DICER1: variants seen among roughly 807,000 people sequenced by gnomAD.
DICER1 encodes endoribonuclease Dicer.
A neutral mutation model predicts 194.1 loss-of-function variants in DICER1; 43 were observed. The ratio of observed to expected loss-of-function variants is 0.22; its 90% CI spans 0.17 to 0.29. The LOEUF (loss-of-function observed/expected upper bound fraction) is 0.29. Ranked by LOEUF, DICER1 falls within the 10% of genes least tolerant of loss-of-function variation. DICER1 has a pLI of 1.00. For synonymous variants in DICER1, 832 were observed against 820.5 expected, an observed-to-expected ratio of 1.01 and a Z score of -0.24; for missense variants, 1,608 against 2,317.0, an observed-to-expected ratio of 0.69 and a Z score of 6.28.
chr14:95,152,655 T>A (rs1224398660), intron 1 of DICER1, among the ~76,000 whole-genome samples: 1 of 152,356 alleles, frequency 6.6e-6, no homozygotes, highest in Non-Finnish European at 1.5e-5. Context: ...CCTCAGAGAA[T>A]GTTTTGTAGC....
chr14:95,124,000 C>G (rs1893161444), intron 8 of DICER1, among the ~76,000 whole-genome samples, 196 bp downstream of exon 8: 2 of 152,096 alleles, frequency 1.3e-5, no homozygotes, highest in African/African-American at 2.4e-5. Context: ...AAAATATCAG[C>G]CATATGAAAA....
chr14:95,136,531 G>A (rs1200393323), intron 1 of DICER1: 1 of 152,134 alleles, frequency 6.6e-6, no homozygotes, highest in Non-Finnish European at 1.5e-5. Flanking sequence ...TTTTTGTAGA[G>A]ACAGGGTCTC....
intron 1 of DICER1, chr14:95,138,088 T>G (rs987363427): frequency 1.3e-5 from 2 of 154,260 alleles, no homozygotes; most frequent in African/African-American, 2.4e-5. Context: ...CCAACCTCAC[T>G]CAAGTATGTG....
At chr14:95,145,254 GAA>G (rs1420104140) in intron 1 of DICER1, among the ~76,000 whole-genome samples, 1 of 152,140 alleles carries the variant, frequency 6.6e-6, no homozygotes, top group Non-Finnish European at 1.5e-5. Flanking sequence ...GTGGGTGGAG[GAA>G]AAGTTTTCCT....
At chr14:95,108,790 T>C (rs1891692542) in intron 14 of DICER1, among the ~76,000 whole-genome samples, 1 of 152,208 alleles carries the variant, frequency 6.6e-6, no homozygotes, top group Non-Finnish European at 1.5e-5. Context: ...CTGTAGGGCC[T>C]TTTTAAAAAT....
chr14:95,113,678 C>CG (rs1892183046), intron 11 of DICER1, among the ~76,000 whole-genome samples: 4 of 152,162 alleles, frequency 2.6e-5, no homozygotes, highest in Non-Finnish European at 4.4e-5. Flanking sequence ...CAGCAGAGGG[C>CG]GGGACAGCCC....
At chr14:95,118,799 T>TA (rs1892707446) in intron 8 of DICER1, among the ~76,000 whole-genome samples, 2 of 147,994 alleles carry the variant, frequency 1.4e-5, no homozygotes, top group African/African-American at 5.3e-5. Context: ...AATCATTCTT[T>TA]TAAAAAAAAA....
In DICER1 at chr14:95,124,492, T is replaced by C. The variant is rs886050943; in HGVS notation, c.1080A>G (p.Glu360=). 8 of 1,614,178 alleles carry C rather than the reference T, an allele frequency of 5.0e-6. No homozygotes were observed. Among genetic ancestry groups the C allele is most frequent in the Non-Finnish European group, 6.8e-6 (8 of 1,180,042 alleles). Residue 360 remains glutamate (E), a synonymous_variant, in exon 8 of 27, where the codon GAA becomes GAG. Coordinates refer to ENST00000343455, the MANE Select transcript of DICER1 (RefSeq NM_177438.3). This position sits in a 1 kb window ranked among gnomAD's most constrained non-coding sequence, Gnocchi z 4.5. ...CAAGTGAGGCAGGTGAGAAGTGCTC[T>C]TCACATAGTGCATGTATTTTCCTTA... ...TFLRKIHALC[E]EHFSPASLDL...
intron 3 of DICER1, 108 bp from the exon 4 acceptor site, chr14:95,131,747 C>T (rs151234345): frequency 3.4e-4 from 360 of 1,055,944 alleles, no homozygotes; most frequent in African/African-American, 3.4e-3. Flanking sequence ...TTATATTAGA[C>T]CTAACCAACA....
intron 24 of DICER1, 144 bp downstream of exon 24, chr14:95,093,744 C>T (rs141577658): frequency 4.9e-4 from 437 of 887,160 alleles, no homozygotes; most frequent in Non-Finnish European, 6.8e-4. Flanking sequence ...GCAGTTCACT[C>T]GTGCTCCCAC....
In DICER1 at chr14:95,103,548, A is replaced by G. The variant is rs754352488; in HGVS notation, c.3848T>C (p.Ile1283Thr). The G allele has an allele frequency of 5.0e-6, 8 of 1,614,174 alleles. No individual in the cohort carries two copies. The highest frequency in any genetic ancestry group is 1.7e-5 in the Admixed American group (1 of 60,028). Residue 1283 changes from isoleucine (I) to threonine (T), a missense_variant, in exon 21 of 27, where the codon ATT (isoleucine) becomes ACT (threonine). By Grantham distance (89) the Ile-to-Thr change is moderately conservative. Coordinates refer to ENST00000343455, the MANE Select transcript of DICER1 (RefSeq NM_177438.3). ...GCCAAGAGTCCTTGAGGAGTACCCA[A>G]TAGAAGGGCTCTGCTCAGAATCCAT... The part of the protein sequence containing the change: ...GRMDSEQSPS[I>T]GYSSRTLGPN...
At chr14:95,122,134 T>C (rs1892983887) in intron 8 of DICER1, among the ~76,000 whole-genome samples, 1 of 152,190 alleles carries the variant, frequency 6.6e-6, no homozygotes, top group Non-Finnish European at 1.5e-5. Context: ...CATACAGCAC[T>C]AAATTCCAGT....
Position 95,115,747 on chromosome 14 carries a change from G to A in DICER1, c.1827C>T (p.Asp609=), listed in dbSNP as rs150087634. 3.2e-5 allele frequency: 52 copies of A among 1,614,062 alleles called. No homozygotes were observed. The highest frequency in any genetic ancestry group is 3.3e-4 in the Middle Eastern group (2 of 6,062). ...GCCTCAACACATATGGTGGGAAAAC[G>A]TCATCATCATCCATGACAGGATCAA... is the stretch of plus-strand genomic sequence containing the variant. ...TDIDPVMDDD[D]VFPPYVLRPD... Residue 609 remains aspartate, a synonymous_variant, in exon 11 of 27, where the codon GAC becomes GAT. Coordinates refer to ENST00000343455, the MANE Select transcript of DICER1 (RefSeq NM_177438.3).
intron 1 of DICER1, 44 bp from the exon 2 acceptor site, chr14:95,133,547 T>G (rs1003941886): frequency 2.7e-5 from 38 of 1,391,976 alleles, no homozygotes; most frequent in Non-Finnish European, 3.2e-5. Context: ...CATGCAGGGT[T>G]AAAAACAAAG....
chr14:95,095,494 G>A (rs966206715), intron 23 of DICER1: 3 of 350,178 alleles, frequency 8.6e-6, no homozygotes, highest in African/African-American at 4.2e-5. Context: ...AAGCAGCACT[G>A]AATGGGCAAG....
At chr14:95,154,741 T>C (rs552412577) in intron 1 of DICER1, among the ~76,000 whole-genome samples, 1 of 151,942 alleles carries the variant, frequency 6.6e-6, no homozygotes, top group Non-Finnish European at 1.5e-5. Context: ...CAGTTTGAGT[T>C]GGGAAAGATG....
chr14:95,152,415 A>C (rs1425308130), intron 1 of DICER1, among the ~76,000 whole-genome samples: 1 of 152,248 alleles, frequency 6.6e-6, no homozygotes, highest in Non-Finnish European at 1.5e-5. Flanking sequence ...AATACTTCAA[A>C]AAGTATTATA....
intron 24 of DICER1, among the ~76,000 whole-genome samples, chr14:95,093,524 A>T (rs1305592548): frequency 6.6e-6 from 1 of 152,242 alleles, no homozygotes; most frequent in African/African-American, 2.4e-5. Flanking sequence ...TTAAAAAAGG[A>T]AGGATAAGCT....
chr14:95,154,953 C>T (rs572769489), intron 1 of DICER1, among the ~76,000 whole-genome samples: 6 of 152,062 alleles, frequency 3.9e-5, no homozygotes, highest in African/African-American at 1.4e-4. Flanking sequence ...TTCATTCATT[C>T]CACAAGTCTT....
Sources: gnomAD v4.1 joint callset for allele counts (sites outside exome capture counted in the v4.1 genomes callset) on GRCh38, gnomAD v4.1.1 for gene constraint, Gnocchi (gnomAD v3.1) non-coding constraint, MANE v1.5 for transcripts, NCBI Gene and HGNC (gene_info 2026-07-23, HGNC 2026-07-21) for gene names.